LINGO2: variants seen among roughly 807,000 people sequenced by gnomAD.
The protein encoded by LINGO2 is leucine rich repeat and Ig domain containing 2, also known as leucine-rich repeat and immunoglobulin-like domain-containing nogo receptor-interacting protein 2.
A neutral mutation model predicts 30.6 loss-of-function variants in LINGO2; 14 were observed. The observed-to-expected ratio is 0.46, with a 90% CI of 0.30 to 0.72. The LOEUF is 0.72. Among genes scored for constraint, LINGO2 ranks in the 30% least tolerant of loss-of-function variants. The pLI is 0.07. For missense variants in LINGO2, 729 were observed against 751.7 expected (o/e 0.97, Z 0.35); for synonymous variants, 317 against 288.5 (o/e 1.10, Z -1.00).
chr9:28,858,182 TA>T, the LINGO2 span, among the ~76,000 whole-genome samples: 9 of 152,056 alleles, frequency 5.9e-5, no homozygotes, highest in Admixed American at 2.0e-4. Flanking sequence ...ATCTGAGTCC[TA>T]AAGATTTCGC....
chr9:28,679,223 A>G, the LINGO2 span, among the ~76,000 whole-genome samples: 3 of 152,122 alleles, frequency 2.0e-5, no homozygotes, highest in Admixed American at 1.3e-4. Flanking sequence ...AAATTCTAAT[A>G]TAATATTTCT....
the LINGO2 span, among the ~76,000 whole-genome samples, chr9:28,711,810 T>G: frequency 6.6e-6 from 1 of 152,152 alleles, no homozygotes; most frequent in Non-Finnish European, 1.5e-5. Flanking sequence ...CAAACACATT[T>G]AGTACAGTGC....
chr9:28,242,689 G>T (rs368506993), intron 4 of LINGO2, among the ~76,000 whole-genome samples: 1 of 152,192 alleles, frequency 6.6e-6, no homozygotes, highest in South Asian at 2.1e-4. Flanking sequence ...CTCCAAGGTT[G>T]AAATGAGGAA....
chr9:28,623,042 AT>A (rs1016150791), intron 1 of LINGO2, among the ~76,000 whole-genome samples: 1 of 151,702 alleles, frequency 6.6e-6, no homozygotes, highest in East Asian at 1.9e-4. Flanking sequence ...AGATTATTAG[AT>A]TTTTTTCCTA....
the LINGO2 span, among the ~76,000 whole-genome samples, chr9:28,722,883 T>C: frequency 3.8e-4 from 58 of 152,206 alleles, no homozygotes; most frequent in African/African-American, 1.3e-3. Context: ...GAAATGGCTT[T>C]GGGTTGAAAC....
chr9:28,375,125 C>CACAT (rs1564159191), intron 2 of LINGO2, among the ~76,000 whole-genome samples: 2 of 114,248 alleles, frequency 1.8e-5, no homozygotes, highest in African/African-American at 6.2e-5. Context: ...CACACACACA[C>CACAT]ACACACACAT....
chr9:28,979,691 T>C, the LINGO2 span, among the ~76,000 whole-genome samples: 23 of 150,556 alleles, frequency 1.5e-4, no homozygotes, highest in African/African-American at 5.1e-4. Context: ...AATCTATACA[T>C]TGATGCTACA....
rs561459162 is a variant in LINGO2, at chr9:28,048,277, A to C, written c.-86-35872T>G. On this transcript the variant is annotated intron_variant, in intron 4 of 5. Coordinates refer to ENST00000379992, the Ensembl canonical transcript of LINGO2. ...AACACATTGCCCCAACTAAATCTAT[A>C]AATACAGAAAGCCTCTACTAAGTGA... is the stretch of plus-strand genomic sequence containing the variant. Among the ~76,000 whole-genome samples the C allele has an allele frequency of 2.0e-5, 3 of 151,202 alleles. No homozygotes were observed. The South Asian group carries it at 6.3e-4, about 32-fold the overall frequency.
the LINGO2 span, among the ~76,000 whole-genome samples, chr9:28,907,343 T>C: frequency 5.3e-5 from 8 of 151,934 alleles, no homozygotes; most frequent in African/African-American, 1.9e-4. Flanking sequence ...GCAAAAGCTA[T>C]TCACATAGTG....
In LINGO2 at chr9:28,329,896, T is replaced by A. The variant is rs1434168045; in HGVS notation, c.-245-34530A>T. On this transcript the variant is annotated intron_variant, in intron 3 of 5. Coordinates refer to ENST00000379992, the Ensembl canonical transcript of LINGO2. This position sits in a 1 kb window ranked among gnomAD's most constrained non-coding sequence, Gnocchi z 4.5. ...AACTTTATTTGTCTATTTGTGTATT[T>A]AGCTCTTCCAATAGACACTTTCTTT... 6.6e-6 allele frequency among the ~76,000 whole-genome samples: 1 copy of A among 152,194 alleles called. No individual in the cohort carries two copies. Among genetic ancestry groups the A allele is most frequent in the Non-Finnish European group, 1.5e-5 (1 of 68,032 alleles).
At chr9:28,846,752 T>G in the LINGO2 span, among the ~76,000 whole-genome samples, 1 of 148,048 alleles carries the variant, frequency 6.8e-6, no homozygotes, top group Admixed American at 6.7e-5. Context: ...TCCCTGTTTC[T>G]ATACTATCAA....
chr9:28,509,352 A>G (rs1186799770), intron 1 of LINGO2, among the ~76,000 whole-genome samples: 2 of 152,176 alleles, frequency 1.3e-5, no homozygotes, highest in Non-Finnish European at 2.9e-5. Flanking sequence ...ACTCCTTCCT[A>G]TGACAGTGAT....
chr9:29,052,401 T>G, the LINGO2 span, among the ~76,000 whole-genome samples: 1 of 152,144 alleles, frequency 6.6e-6, no homozygotes, highest in Non-Finnish European at 1.5e-5. Flanking sequence ...AAAGGCCTTT[T>G]ACATGTATAA....
At chr9:28,421,704 T>C (rs1823206356) in intron 2 of LINGO2, among the ~76,000 whole-genome samples, 1 of 152,048 alleles carries the variant, frequency 6.6e-6, no homozygotes, top group Non-Finnish European at 1.5e-5. Context: ...CTGCATTTAA[T>C]TGAAAAAAAT....
the LINGO2 span, among the ~76,000 whole-genome samples, chr9:29,131,741 G>A: frequency 0.041 from 6,263 of 151,974 alleles, 197 homozygotes; most frequent in Admixed American, 0.079. Flanking sequence ...ACATGATCAT[G>A]TAAGCTATGA....
intron 1 of LINGO2, among the ~76,000 whole-genome samples, chr9:28,515,327 C>T (rs980161356): frequency 5.9e-5 from 9 of 152,012 alleles, no homozygotes; most frequent in South Asian, 2.1e-4. Flanking sequence ...CTGCCTCAGC[C>T]TCCTGAGTAG....
In LINGO2 at chr9:27,987,287, G is replaced by A. The variant is rs559722427; in HGVS notation, c.-36+25068C>T. ...TAGTCAGGATATTTCCCTCCCTCCC[G>A]TCTTTCCTTCCTCTCTTCCTTGCTT... On this transcript the variant is annotated intron_variant, in intron 5 of 5. Transcript: ENST00000379992. Among the ~76,000 whole-genome samples the A allele has an allele frequency of 1.6e-4, 25 of 151,578 alleles. No individual in the cohort carries two copies. In the East Asian group the frequency reaches 3.5e-3, roughly 21 times the overall value.
chr9:29,067,214 A>G, the LINGO2 span, among the ~76,000 whole-genome samples: 1 of 151,852 alleles, frequency 6.6e-6, no homozygotes, highest in African/African-American at 2.4e-5. Flanking sequence ...TCTAAATCCA[A>G]AACTGAATAG....
At chr9:28,744,275 A>T in the LINGO2 span, among the ~76,000 whole-genome samples, 1 of 151,844 alleles carries the variant, frequency 6.6e-6, no homozygotes, top group Non-Finnish European at 1.5e-5. Flanking sequence ...AATTTCCTTT[A>T]TTCTTTCAGC....
Sources: allele counts gnomAD v4.1 joint callset (sites outside exome capture counted in the v4.1 genomes callset), GRCh38; gene constraint gnomAD v4.1.1; non-coding constraint Gnocchi (gnomAD v3.1); transcripts MANE v1.5; gene names NCBI Gene and HGNC (gene_info 2026-07-23, HGNC 2026-07-21).